The following PELI1 variants were observed in gnomAD, a reference collection of about 807,000 sequenced individuals.
The protein encoded by PELI1 is E3 ubiquitin-protein ligase pellino homolog 1.
In PELI1, 15 loss-of-function variants were observed where a neutral mutation model predicts 41.3. The ratio of observed to expected loss-of-function variants is 0.36; its 90% CI spans 0.24 to 0.56. The LOEUF (loss-of-function observed/expected upper bound fraction) is 0.56. PELI1 is among the 20% of genes least tolerant of loss of function. The pLI is 0.82. For missense variants in PELI1, 403 were observed against 525.5 expected (o/e 0.77, Z 2.28); for synonymous variants, 178 against 180.1 (o/e 0.99, Z 0.09).
In PELI1 at chr2:64,092,671, G is replaced by GTC. The variant is rs1680096232; in HGVS notation, c.*2030_*2031insGA. The GTC allele has an allele frequency of 6.6e-6, 1 of 152,108 alleles. No individual in the cohort carries two copies. Among genetic ancestry groups the GTC allele is most frequent in the South Asian group, 2.1e-4 (1 of 4,832 alleles). 9.4% of individuals were successfully genotyped at this position (152,108 alleles called of 1,614,324 possible). A position where few individuals can be genotyped will look rare whatever the true frequency, so the allele number is the denominator to read the frequency against. On this transcript the variant is annotated 3_prime_UTR_variant, in exon 7 of 7. Transcript: ENST00000358912. Reference sequence around the variant, plus strand: ...CCTCAATTATTCAACCACTAACAAAGTTCCTTTATTAGTAAGAGATGCTTT... The same window carrying GTC: ...CCTCAATTATTCAACCACTAACAAAGTCTTCCTTTATTAGTAAGAGATGCTTT...
chr2:64,095,315 AT>A, intron 6 of PELI1, 47 bp from the exon 7 acceptor site: 1 of 1,353,652 alleles, frequency 7.4e-7, no homozygotes, highest in Non-Finnish European at 1.0e-6. Flanking sequence ...TCTGTTTTGG[AT>A]TTTTACATAA....
In PELI1 at chr2:64,108,385, G is replaced by T; in HGVS notation, c.-69-6C>A. 1 of 853,808 alleles carries T rather than the reference G, an allele frequency of 1.2e-6. No individual in the cohort carries two copies. Among genetic ancestry groups the T allele is most frequent in the Non-Finnish European group, 2.0e-6 (1 of 506,714 alleles). The allele number at this position is 853,808 out of a possible 1,614,324, so 52.9% of individuals were successfully genotyped here. A position where few individuals can be genotyped will look rare whatever the true frequency, so the allele number is the denominator to read the frequency against. ...GACACCTTTTGCATTATTTCCTAGAGGGGAAAAGTTTTCATTAATAATGTG... is the reference window on the plus strand; with the variant it reads ...GACACCTTTTGCATTATTTCCTAGATGGGAAAAGTTTTCATTAATAATGTG... On this transcript the variant is annotated splice_polypyrimidine_tract_variant and splice_region_variant and intron_variant, in intron 1 of 6. Transcript: ENST00000358912.
chr2:64,134,093 C>A (rs997723055), intron 1 of PELI1, among the ~76,000 whole-genome samples: 1 of 152,014 alleles, frequency 6.6e-6, no homozygotes, highest in East Asian at 1.9e-4. Context: ...AATGAGGGGG[C>A]CTACTGAATC....
At chr2:64,125,701 A>T (rs909644351) in intron 1 of PELI1, among the ~76,000 whole-genome samples, 1 of 152,246 alleles carries the variant, frequency 6.6e-6, no homozygotes, top group Non-Finnish European at 1.5e-5. Context: ...AATAACTAAT[A>T]TACCTAGGTT....
At chr2:64,131,921 A>G (rs1253986752) in intron 1 of PELI1, among the ~76,000 whole-genome samples, 1 of 152,180 alleles carries the variant, frequency 6.6e-6, no homozygotes, top group African/African-American at 2.4e-5. Context: ...GCACCCAGCC[A>G]GAAACAGTAA....
At chr2:64,096,706 T>C (rs1341447605) in intron 4 of PELI1, 96 bp from the exon 5 acceptor site, 13 of 772,312 alleles carry the variant, frequency 1.7e-5, no homozygotes, top group Non-Finnish European at 2.1e-5. Flanking sequence ...ATTAGGTCTC[T>C]GAAATTTCTA....
At chr2:64,135,386 G>C (rs11898031) in intron 1 of PELI1, among the ~76,000 whole-genome samples, 8 of 152,250 alleles carry the variant, frequency 5.3e-5, no homozygotes, top group Non-Finnish European at 1.5e-5. Context: ...GCACACACCA[G>C]AAATAGGCAA....
intron 1 of PELI1, among the ~76,000 whole-genome samples, chr2:64,138,187 T>TCAAATGAGTATCAAATGATACTCC (rs1461760685): frequency 6.6e-6 from 1 of 152,160 alleles, no homozygotes; most frequent in African/African-American, 2.4e-5. Context: ...TCCTCCCACC[T>TCAAATGAGTATCAAATGATACTCC]CAGCTTCTTG....
At position 64,093,335 on chromosome 2, in the gene PELI1, A is replaced by AAAAT. The variant is rs1680114687; in HGVS notation, c.*1363_*1366dup. 1 of 152,684 alleles carries AAAAT rather than the reference A, an allele frequency of 6.5e-6. No homozygotes were observed. Among genetic ancestry groups the AAAAT allele is most frequent in the African/African-American group, 2.4e-5 (1 of 41,464 alleles). The allele number at this position is 152,684 out of a possible 1,614,324, so 9.5% of individuals were successfully genotyped here. A position where few individuals can be genotyped will look rare whatever the true frequency, so the allele number is the denominator to read the frequency against. ...TTTTCAAACTAAAGGAAAACAAATC[A>AAAAT]AAATATTAAAAGAAGATACTGTCTA... On this transcript the variant is annotated 3_prime_UTR_variant, in exon 7 of 7. Transcript: ENST00000358912.
rs1358265082 is a variant in PELI1, at chr2:64,100,389, T to C, written c.303+9A>G. The C allele has an allele frequency of 3.6e-6, 5 of 1,388,764 alleles. 1 individual carries two copies. In the East Asian group the frequency reaches 1.2e-4, roughly 32 times the overall value. 86.0% of individuals were successfully genotyped at this position (1,388,764 alleles called of 1,614,324 possible). ...TTCTTAAGAAAAAAAATTTAAGATG[T>C]TGTAATACCTGAAACATATCGGTGT... On this transcript the variant is annotated intron_variant, in intron 4 of 6. Transcript: ENST00000358912.
At chr2:64,101,482 T>G (rs1680431205) in intron 3 of PELI1, among the ~76,000 whole-genome samples, 1 of 152,212 alleles carries the variant, frequency 6.6e-6, no homozygotes, top group African/African-American at 2.4e-5. Context: ...TTTCTATGTA[T>G]ATGAGTTGAA....
In PELI1 at chr2:64,132,401, G is replaced by C. The variant is rs556019946; in HGVS notation, c.-70+11680C>G. ...AAATCTGAAATCCAAAACACCTTTT[G>C]CCCCAAGCATTTTGGATAAGGGATT... On this transcript the variant is annotated intron_variant, in intron 1 of 6. Coordinates refer to ENST00000358912, the MANE Select transcript of PELI1 (RefSeq NM_020651.4). Among the ~76,000 whole-genome samples the C allele has an allele frequency of 3.3e-5, 5 of 152,232 alleles. No homozygotes were observed. In the South Asian group the frequency reaches 1.0e-3, roughly 32 times the overall value.
At chr2:64,143,800 C>T (rs996144987) in intron 1 of PELI1, among the ~76,000 whole-genome samples, 8 of 151,952 alleles carry the variant, frequency 5.3e-5, no homozygotes, top group African/African-American at 1.9e-4. Flanking sequence ...GCGCGGCCAG[C>T]CAGGCGCGGG....
chr2:64,125,040 A>G (rs1165323484), intron 1 of PELI1, among the ~76,000 whole-genome samples: 2 of 141,522 alleles, frequency 1.4e-5, no homozygotes, highest in Non-Finnish European at 3.0e-5. Context: ...AATGCAACCC[A>G]GGAACAGCCA....
intron 3 of PELI1, among the ~76,000 whole-genome samples, chr2:64,100,751 G>A (rs191190287): frequency 2.0e-5 from 3 of 152,124 alleles, no homozygotes; most frequent in African/African-American, 7.2e-5. Flanking sequence ...TTTAAAGACA[G>A]AGTCTTGCTC....
At chr2:64,122,910 T>C (rs1681270282) in intron 1 of PELI1, among the ~76,000 whole-genome samples, 1 of 152,204 alleles carries the variant, frequency 6.6e-6, no homozygotes, top group Non-Finnish European at 1.5e-5. Context: ...CAATTTTCCT[T>C]CCAATTTCAT....
At chr2:64,140,106 G>A (rs72893170) in intron 1 of PELI1, among the ~76,000 whole-genome samples, 3,470 of 152,256 alleles carry the variant, frequency 0.023, 113 homozygotes, top group African/African-American at 0.077. Context: ...AAAAGAAACT[G>A]CAGAAGATGG....
At position 64,094,638 on chromosome 2, in the gene PELI1, G is replaced by A; in HGVS notation, c.*64C>T. ...CAGAAAAACTGTGACGTGGACAACA[G>A]GTTCGAAAACCCAACTCACTTAGCT... On this transcript the variant is annotated 3_prime_UTR_variant, in exon 7 of 7. Coordinates refer to ENST00000358912, the MANE Select transcript of PELI1 (RefSeq NM_020651.4). 1 of 1,156,644 alleles carries A rather than the reference G, an allele frequency of 8.6e-7. No individual in the cohort carries two copies. The highest frequency in any genetic ancestry group is 1.3e-6 in the Non-Finnish European group (1 of 793,806). 71.6% of individuals were successfully genotyped at this position (1,156,644 alleles called of 1,614,324 possible).
At chr2:64,104,993 G>A (rs1010699904) in intron 2 of PELI1, among the ~76,000 whole-genome samples, 163 bp from the exon 3 acceptor site, 2 of 152,156 alleles carry the variant, frequency 1.3e-5, no homozygotes, top group African/African-American at 4.8e-5. Context: ...CATACCAGGT[G>A]CCAGTGTGTG....
Sources: allele counts gnomAD v4.1 joint callset (sites outside exome capture counted in the v4.1 genomes callset), GRCh38; gene constraint gnomAD v4.1.1; transcripts MANE v1.5; gene names NCBI Gene and HGNC (gene_info 2026-07-23, HGNC 2026-07-21).